The following ZMAT5 variants were observed in gnomAD, a reference collection of about 807,000 sequenced individuals.
ZMAT5 encodes zinc finger matrin-type protein 5.
Under a neutral mutation model 28.0 loss-of-function variants are expected in ZMAT5, and 23 were observed. The ratio of observed to expected loss-of-function variants is 0.82; its 90% CI spans 0.59 to 1.16. The LOEUF (loss-of-function observed/expected upper bound fraction) is 1.16. Ranked by LOEUF, ZMAT5 falls within the 50% of genes most tolerant of loss-of-function variation. The pLI, the probability that ZMAT5 is intolerant of heterozygous loss-of-function variation, is 0.00. For missense variants in ZMAT5, 173 were observed against 212.7 expected (o/e 0.81, Z 1.16); for synonymous variants, 76 against 84.1 (o/e 0.90, Z 0.52).
At chr22:29,759,590 C>A (rs934095454) in intron 1 of ZMAT5, among the ~76,000 whole-genome samples, 1 of 151,850 alleles carries the variant, frequency 6.6e-6, no homozygotes, top group Non-Finnish European at 1.5e-5. Flanking sequence ...CATAGTGAGA[C>A]CCCGTCTCTA....
chr22:29,755,977 C>T (rs2068098131), intron 1 of ZMAT5, among the ~76,000 whole-genome samples: 1 of 152,282 alleles, frequency 6.6e-6, no homozygotes, highest in Non-Finnish European at 1.5e-5. Flanking sequence ...ACAGGGCAAA[C>T]ATTTGCGCTT....
At chr22:29,763,043 G>C (rs542155137) in intron 1 of ZMAT5, among the ~76,000 whole-genome samples, 1 of 152,002 alleles carries the variant, frequency 6.6e-6, no homozygotes, top group Non-Finnish European at 1.5e-5. Context: ...TTTTAAATTA[G>C]GCTGGGTGGG....
chr22:29,761,375 A>C (rs968668679), intron 1 of ZMAT5, among the ~76,000 whole-genome samples: 1 of 152,052 alleles, frequency 6.6e-6, no homozygotes, highest in East Asian at 1.9e-4. Context: ...CCAGGAGTTC[A>C]AAACCAGCCT....
rs1254960093 is a variant in ZMAT5 at position 29,740,741 on chromosome 22, A to G, written c.191-11T>C. On this transcript the variant is annotated splice_polypyrimidine_tract_variant and intron_variant, in intron 3 of 5. Transcript: ENST00000344318. ...CAAAGTCGCACTGGCCTGCAGCAGGAAGACAGAGTTACTCGCTGCTCGGGA... is the reference window on the plus strand; with the variant it reads ...CAAAGTCGCACTGGCCTGCAGCAGGGAGACAGAGTTACTCGCTGCTCGGGA... 1 of 1,587,636 alleles carries G rather than the reference A, an allele frequency of 6.3e-7. No homozygotes were observed. Among genetic ancestry groups the G allele is most frequent in the Non-Finnish European group, 8.6e-7 (1 of 1,167,032 alleles).
intron 5 of ZMAT5, among the ~76,000 whole-genome samples, chr22:29,735,101 C>A (rs895328988): frequency 6.6e-6 from 1 of 152,118 alleles, no homozygotes; most frequent in South Asian, 2.1e-4. Flanking sequence ...GAATCCACCC[C>A]CTCCCATTAA....
chr22:29,754,184 T>A (rs1306575351), intron 1 of ZMAT5, among the ~76,000 whole-genome samples: 1 of 152,114 alleles, frequency 6.6e-6, no homozygotes, highest in Non-Finnish European at 1.5e-5. Context: ...GCTGGCCCCC[T>A]CTGCTGTGAT....
chr22:29,759,376 G>A (rs1047568665), intron 1 of ZMAT5, among the ~76,000 whole-genome samples: 8 of 152,058 alleles, frequency 5.3e-5, no homozygotes, highest in African/African-American at 1.9e-4. Context: ...CATCTGGACA[G>A]CCCCCTCCAT....
chr22:29,755,872 C>T (rs2068097014), intron 1 of ZMAT5, among the ~76,000 whole-genome samples: 1 of 152,248 alleles, frequency 6.6e-6, no homozygotes, highest in Non-Finnish European at 1.5e-5. Context: ...TAAGGCCCCA[C>T]AGCCAAGGCA....
At chr22:29,742,708 G>A (rs371608353) in intron 2 of ZMAT5, among the ~76,000 whole-genome samples, 2 of 152,298 alleles carry the variant, frequency 1.3e-5, no homozygotes, top group Admixed American at 6.5e-5. Context: ...CACGCAGGAC[G>A]GGCCAAAGAC....
At chr22:29,764,968 A>G (rs1292271189) in intron 1 of ZMAT5, among the ~76,000 whole-genome samples, 3 of 152,124 alleles carry the variant, frequency 2.0e-5, no homozygotes, top group Non-Finnish European at 2.9e-5. Flanking sequence ...CCCTATCCGG[A>G]TGACTCTTCT....
At chr22:29,759,769 C>CA (rs1045990739) in intron 1 of ZMAT5, among the ~76,000 whole-genome samples, 3 of 151,546 alleles carry the variant, frequency 2.0e-5, no homozygotes, top group African/African-American at 7.3e-5. Flanking sequence ...GACCCTGTCT[C>CA]AAAAAAATAA....
chr22:29,731,198 C>T lies in ZMAT5; in HGVS notation c.*27G>A, dbSNP rs1248392158. The T allele has an allele frequency of 6.8e-6, 10 of 1,471,040 alleles. No individual in the cohort carries two copies. In the South Asian group the frequency reaches 7.4e-5, roughly 11 times the overall value. 91.1% of individuals were successfully genotyped at this position (1,471,040 alleles called of 1,614,324 possible). On this transcript the variant is annotated 3_prime_UTR_variant, in exon 6 of 6. Coordinates refer to ENST00000344318, the MANE Select transcript of ZMAT5 (RefSeq NM_001003692.2). Reference sequence around the variant, plus strand: ...TTGTGACTGATGAGAAAAGTGACCACGTGGGGGTCAGTCGGGGGCAAGGGG... The same window carrying T: ...TTGTGACTGATGAGAAAAGTGACCATGTGGGGGTCAGTCGGGGGCAAGGGG...
Position 29,730,987 on chromosome 22 carries a change from G to A in ZMAT5, c.*238C>T, listed in dbSNP as rs1461578702. ...GACAGACTTTCTTTATAAACATTTG[G>A]AAGTTTTCTCCCCCATCTTCTTAAG... On this transcript the variant is annotated 3_prime_UTR_variant, in exon 6 of 6. Transcript: ENST00000344318. The A allele has an allele frequency of 1.0e-5, 4 of 386,942 alleles. No homozygotes were observed. The highest frequency in any genetic ancestry group is 8.5e-5 in the South Asian group (1 of 11,788). The allele number at this position is 386,942 out of a possible 1,614,324, so 24.0% of individuals were successfully genotyped here. A position where few individuals can be genotyped will look rare whatever the true frequency, so the allele number is the denominator to read the frequency against.
At chr22:29,760,196 G>A (rs1198834670) in intron 1 of ZMAT5, among the ~76,000 whole-genome samples, 1 of 150,544 alleles carries the variant, frequency 6.6e-6, no homozygotes, top group Admixed American at 6.6e-5. Context: ...GCGAGATTCC[G>A]TCTCAAAAAA....
intron 1 of ZMAT5, among the ~76,000 whole-genome samples, chr22:29,757,404 C>A (rs1369489876): frequency 6.6e-6 from 1 of 152,148 alleles, no homozygotes; most frequent in Non-Finnish European, 1.5e-5. Context: ...GAATCCAGTC[C>A]CTGCCACTCT....
chr22:29,759,441 A>C (rs774162609), intron 1 of ZMAT5, among the ~76,000 whole-genome samples: 7 of 152,048 alleles, frequency 4.6e-5, no homozygotes, highest in Non-Finnish European at 7.4e-5. Context: ...CCCTGCTCAA[A>C]ATTTTCCATG....
intron 2 of ZMAT5, 132 bp from the exon 3 acceptor site, chr22:29,742,612 CGGA>C: frequency 1.2e-6 from 1 of 822,328 alleles, no homozygotes; most frequent in African/African-American, 1.7e-5. Flanking sequence ...TCCTGTTCCA[CGGA>C]GGAGTGGAAG....
At chr22:29,758,112 C>A (rs131277) in intron 1 of ZMAT5, among the ~76,000 whole-genome samples, 62,819 of 151,926 alleles carry the variant, frequency 0.41, 13,683 homozygotes, top group East Asian at 0.6. Context: ...AGCAGCCCTG[C>A]AGGGTGGCCC....
intron 1 of ZMAT5, among the ~76,000 whole-genome samples, chr22:29,765,572 A>G (rs1285375698): frequency 6.6e-6 from 1 of 151,702 alleles, no homozygotes; most frequent in Admixed American, 6.6e-5. Flanking sequence ...ACCCTAACCT[A>G]AATTACCACC....
Sources: allele counts gnomAD v4.1 joint callset (sites outside exome capture counted in the v4.1 genomes callset), GRCh38; gene constraint gnomAD v4.1.1; transcripts MANE v1.5; gene names NCBI Gene and HGNC (gene_info 2026-07-23, HGNC 2026-07-21).